The following PLD5 variants were observed in gnomAD, a reference collection of about 807,000 sequenced individuals.
PLD5 encodes the protein phospholipase D family member 5.
In PLD5, 36 loss-of-function variants were observed where a neutral mutation model predicts 61.1. The ratio of observed to expected loss-of-function variants is 0.59; its 90% CI spans 0.45 to 0.78. The LOEUF is 0.78. Ranked by LOEUF, PLD5 falls within the 30% of genes least tolerant of loss-of-function variation. The probability of loss-of-function intolerance (pLI) is 0.00; values close to 1 mark genes in which losing one functional copy is unlikely to be tolerated. For missense variants in PLD5, 515 were observed against 644.4 expected (o/e 0.80, Z 2.17); for synonymous variants, 243 against 242.8 (o/e 1.00, Z -0.01).
chr1:242,318,123 G>A (rs1285281672), intron 2 of PLD5, among the ~76,000 whole-genome samples: 1 of 152,214 alleles, frequency 6.6e-6, no homozygotes, highest in Non-Finnish European at 1.5e-5. Flanking sequence ...CAAACAAAAA[G>A]GGAGTAATAA....
At chr1:242,190,759 C>CA (rs1668221203) in intron 5 of PLD5, among the ~76,000 whole-genome samples, 1 of 151,864 alleles carries the variant, frequency 6.6e-6, no homozygotes, top group Non-Finnish European at 1.5e-5. Flanking sequence ...ATAGAAAAAT[C>CA]CCATACAAGA....
intron 2 of PLD5, among the ~76,000 whole-genome samples, chr1:242,334,731 T>C (rs911147382): frequency 1.3e-5 from 2 of 152,158 alleles, no homozygotes; most frequent in African/African-American, 4.8e-5. Context: ...CTCCCTTATC[T>C]GACTAAGAGC....
At chr1:242,332,229 T>C (rs1360732517) in intron 2 of PLD5, among the ~76,000 whole-genome samples, 1 of 152,234 alleles carries the variant, frequency 6.6e-6, no homozygotes, top group African/African-American at 2.4e-5. Context: ...TCCCTTTTTA[T>C]GGCTGCATAG....
Position 242,524,319 on chromosome 1 carries a change from A to C in PLD5, c.-43T>G. The C allele has an allele frequency of 7.3e-7, 1 of 1,365,452 alleles. No individual in the cohort carries two copies. The highest frequency in any genetic ancestry group is 9.4e-7 in the Non-Finnish European group (1 of 1,067,550). 84.6% of individuals were successfully genotyped at this position (1,365,452 alleles called of 1,614,324 possible). A position where few individuals can be genotyped will look rare whatever the true frequency, so the allele number is the denominator to read the frequency against. On this transcript the variant is annotated 5_prime_UTR_variant, in exon 1 of 10. Transcript: ENST00000536534. ...GCCGCCGGCGAGCAGCGGACTCGGG[A>C]CGGGCGCGCGGGGAGCCGGGCGCGG...
Position 242,486,762 on chromosome 1 carries a change from G to T in PLD5, c.189+37326C>A, listed in dbSNP as rs572181165. On this transcript the variant is annotated intron_variant, in intron 1 of 9. Coordinates refer to ENST00000536534, the MANE Select transcript of PLD5 (RefSeq NM_001372062.1). ...TGCTGCTATAAAGACACATGCACAC[G>T]TATGTTTATTGTGGCACTATTCACA... 6.9e-3 allele frequency among the ~76,000 whole-genome samples: 1,044 copies of T among 152,202 alleles called. 11 individuals carry two copies. The highest frequency in any genetic ancestry group is 0.024 in the African/African-American group (978 of 41,532).
chr1:242,144,019 G>A (rs534549419), intron 5 of PLD5, among the ~76,000 whole-genome samples: 21 of 151,592 alleles, frequency 1.4e-4, no homozygotes, highest in Admixed American at 5.9e-4. Context: ...ACAGGCTCCC[G>A]CCACCACGCC....
rs770909623 is a variant in PLD5 at position 242,124,606 on chromosome 1, C to T, written c.795G>A (p.Arg265=). ...NCSCLVLDLQ[R]IFALYSSLKF... ...TTAATGAACTATATAGAGCAAATAT[C>T]CTTTGTAAATCTAGGACCAGGCAGC... is the stretch of plus-strand genomic sequence containing the variant. Residue 265 remains arginine (R), a synonymous_variant, in exon 6 of 10, where the codon AGG becomes AGA. Transcript: ENST00000536534. The T allele has an allele frequency of 1.2e-6, 2 of 1,613,920 alleles. No homozygotes were observed. Among genetic ancestry groups the T allele is most frequent in the Non-Finnish European group, 8.5e-7 (1 of 1,179,882 alleles).
intron 2 of PLD5, among the ~76,000 whole-genome samples, chr1:242,297,280 G>A (rs181951106): frequency 1.2e-3 from 182 of 150,088 alleles, no homozygotes; most frequent in Admixed American, 2.1e-3. Context: ...GAAGGCCGAG[G>A]TTGCAGTGAG....
intron 1 of PLD5, among the ~76,000 whole-genome samples, chr1:242,492,443 GC>G (rs1668191169): frequency 6.6e-6 from 1 of 150,602 alleles, no homozygotes; most frequent in Non-Finnish European, 1.5e-5. Context: ...AATCGCTTGA[GC>G]CCGGGAGGCA....
intron 1 of PLD5, among the ~76,000 whole-genome samples, chr1:242,457,328 T>C (rs1186798874): frequency 6.6e-6 from 1 of 152,222 alleles, no homozygotes; most frequent in Non-Finnish European, 1.5e-5. Flanking sequence ...AGGAGTTGTC[T>C]ACCCCTCACA....
chr1:242,156,461 A>G (rs988988327), intron 5 of PLD5, among the ~76,000 whole-genome samples: 2 of 152,088 alleles, frequency 1.3e-5, no homozygotes, highest in Non-Finnish European at 2.9e-5. Flanking sequence ...GGTCTTTACA[A>G]TTTGGTATGT....
intron 1 of PLD5, among the ~76,000 whole-genome samples, chr1:242,499,171 T>C (rs1668473277): frequency 6.6e-6 from 1 of 152,198 alleles, no homozygotes; most frequent in Non-Finnish European, 1.5e-5. Context: ...TTTCATCTAT[T>C]TGACAGTTAA....
chr1:242,168,846 G>GTTTTTT lies in PLD5; in HGVS notation c.736-44187_736-44182dup, dbSNP rs34280777. Among the ~76,000 whole-genome samples, 430 of 111,254 alleles carry GTTTTTT rather than the reference G, an allele frequency of 3.9e-3. 34 individuals are homozygous for GTTTTTT. The highest frequency in any genetic ancestry group is 0.025 in the Middle Eastern group (4 of 158). The allele number at this position is 111,254 out of a possible 152,430, so 73.0% of individuals were successfully genotyped here. ...TCCATGACAGTTTTTAATTAATGAAGTTTTTTTTTTTTTTTTTTTTACCAC... is the reference window on the plus strand; with the variant it reads ...TCCATGACAGTTTTTAATTAATGAAGTTTTTTTTTTTTTTTTTTTTTTTTTTACCAC... On this transcript the variant is annotated intron_variant, in intron 5 of 9. Coordinates refer to ENST00000536534, the MANE Select transcript of PLD5 (RefSeq NM_001372062.1).
intron 3 of PLD5, among the ~76,000 whole-genome samples, chr1:242,286,269 C>A (rs1178923044): frequency 3.3e-5 from 5 of 152,070 alleles, no homozygotes; most frequent in African/African-American, 7.2e-5. Flanking sequence ...AATAAAGAGA[C>A]TCTGGATTTT....
At chr1:242,126,365 C>T (rs527919276) in intron 5 of PLD5, among the ~76,000 whole-genome samples, 39 of 152,210 alleles carry the variant, frequency 2.6e-4, no homozygotes, top group South Asian at 1.2e-3. Flanking sequence ...CAAGACTAAG[C>T]GAAAAGAACA....
intron 2 of PLD5, among the ~76,000 whole-genome samples, chr1:242,323,842 CAGATGGTCAGA>C (rs1410817217): frequency 6.6e-6 from 1 of 151,972 alleles, no homozygotes; most frequent in East Asian, 1.9e-4. Context: ...AGAGGTTTCC[CAGATGGTCAGA>C]AGATGATTAT....
intron 1 of PLD5, among the ~76,000 whole-genome samples, chr1:242,502,673 G>C (rs549243389): frequency 1.3e-5 from 2 of 151,732 alleles, no homozygotes; most frequent in Non-Finnish European, 2.9e-5. Context: ...GTGTATGTGC[G>C]TGTGTGTGTG....
intron 5 of PLD5, among the ~76,000 whole-genome samples, chr1:242,158,980 C>T (rs994915997): frequency 1.3e-5 from 2 of 152,142 alleles, no homozygotes; most frequent in African/African-American, 4.8e-5. Context: ...TCAGTTTTAG[C>T]ATGTTATCCA....
chr1:242,280,986 C>CTTGCTTTCTT (rs1422514555), intron 3 of PLD5, among the ~76,000 whole-genome samples: 1 of 152,000 alleles, frequency 6.6e-6, no homozygotes, highest in East Asian at 1.9e-4. Flanking sequence ...CAAGAAAGGA[C>CTTGCTTTCTT]AAGTAGGCTT....
Sources: allele counts gnomAD v4.1 joint callset (sites outside exome capture counted in the v4.1 genomes callset), GRCh38; gene constraint gnomAD v4.1.1; transcripts MANE v1.5; gene names NCBI Gene and HGNC (gene_info 2026-07-23, HGNC 2026-07-21).